The following GALNT2 variants were observed in gnomAD, a reference collection of about 807,000 sequenced individuals.
The protein encoded by GALNT2 is UDP-GalNAc:polypeptide N-acetylgalactosaminyltransferase 2.
A neutral mutation model predicts 81.4 loss-of-function variants in GALNT2; 31 were observed. That is an observed-to-expected ratio of 0.38 (90% confidence interval 0.29 to 0.51). The LOEUF (loss-of-function observed/expected upper bound fraction) is 0.51. GALNT2 is among the 20% of genes least tolerant of loss of function. The pLI is 0.87. For synonymous variants in GALNT2, 303 were observed against 287.4 expected, an observed-to-expected ratio of 1.05 and a Z score of -0.55; for missense variants, 629 against 765.7, an observed-to-expected ratio of 0.82 and a Z score of 2.11.
At chr1:230,258,967 A>G (rs1480880637) in intron 11 of GALNT2, 7 of 152,230 alleles carry the variant, frequency 4.6e-5, no homozygotes, top group Admixed American at 3.9e-4. Flanking sequence ...AGGAGCCTGT[A>G]TTCTCAAGAT....
chr1:230,261,215 C>A (rs1665868615), intron 11 of GALNT2, among the ~76,000 whole-genome samples: 1 of 151,692 alleles, frequency 6.6e-6, no homozygotes. Context: ...AGAATAGGTG[C>A]ATTCATATGT....
At chr1:230,252,932 C>T (rs1165227066) in intron 10 of GALNT2, among the ~76,000 whole-genome samples, 4 of 142,926 alleles carry the variant, frequency 2.8e-5, no homozygotes, top group Non-Finnish European at 4.5e-5. Flanking sequence ...CCGCAACGTT[C>T]GCCTCCCGGG....
intron 1 of GALNT2, among the ~76,000 whole-genome samples, chr1:230,081,796 C>T (rs906677760): frequency 1.3e-5 from 2 of 152,178 alleles, no homozygotes; most frequent in East Asian, 3.9e-4. Flanking sequence ...GTCATGCTAA[C>T]CATGACGAGG....
At chr1:230,168,536 G>A (rs956343656) in intron 1 of GALNT2, among the ~76,000 whole-genome samples, 2 of 152,192 alleles carry the variant, frequency 1.3e-5, no homozygotes, top group African/African-American at 4.8e-5. Flanking sequence ...TTTCTTGAAC[G>A]AAGAGGGAGG....
intron 1 of GALNT2, among the ~76,000 whole-genome samples, chr1:230,127,596 G>A (rs546393154): frequency 6.6e-6 from 1 of 151,926 alleles, no homozygotes; most frequent in Non-Finnish European, 1.5e-5. Flanking sequence ...GGATGGTTTC[G>A]ATCTCTTGAC....
chr1:230,268,422 A>G (rs918064243), intron 14 of GALNT2: 2 of 152,154 alleles, frequency 1.3e-5, no homozygotes, highest in Non-Finnish European at 2.9e-5. Flanking sequence ...TGGAGTTCCC[A>G]CTGTCACTCT....
intron 3 of GALNT2, among the ~76,000 whole-genome samples, chr1:230,234,109 G>A (rs1664951079): frequency 6.6e-6 from 1 of 152,134 alleles, no homozygotes; most frequent in African/African-American, 2.4e-5. Context: ...TCCAAGAGTG[G>A]GGTCTTGGTG....
chr1:230,107,399 C>G (rs1368062498), intron 1 of GALNT2, among the ~76,000 whole-genome samples: 1 of 152,084 alleles, frequency 6.6e-6, no homozygotes, highest in Non-Finnish European at 1.5e-5. Context: ...AGAGCAAGAT[C>G]CTGTCTCTAC....
Position 230,071,781 on chromosome 1 carries a change from C to T in GALNT2, c.126+4375C>T, listed in dbSNP as rs75820753. ...AAAACCACTGTATAGCCAGATAATC[C>T]GACAGTGGCACTGTAACATAAACTT... On this transcript the variant is annotated intron_variant, in intron 1 of 15. Coordinates refer to ENST00000366672, the MANE Select transcript of GALNT2 (RefSeq NM_004481.5). 3.1e-3 allele frequency among the ~76,000 whole-genome samples: 475 copies of T among 152,180 alleles called. 2 individuals carry two copies. The highest frequency in any genetic ancestry group is 5.0e-3 in the Non-Finnish European group (343 of 68,018).
In GALNT2 at chr1:230,206,694, C is replaced by T. The variant is rs1664068145; in HGVS notation, c.374+3404C>T. 2.0e-5 allele frequency among the ~76,000 whole-genome samples: 3 copies of T among 152,288 alleles called. No homozygotes were observed. In the South Asian group the frequency reaches 6.2e-4, roughly 32 times the overall value. On this transcript the variant is annotated intron_variant, in intron 3 of 15. Coordinates refer to ENST00000366672, the MANE Select transcript of GALNT2 (RefSeq NM_004481.5). ...GTGTTGATCAATAGAAATTCTTGCACAGTAGAATTCAGTCTTTAGTTTTGA... is the reference window on the plus strand; with the variant it reads ...GTGTTGATCAATAGAAATTCTTGCATAGTAGAATTCAGTCTTTAGTTTTGA...
At chr1:230,270,314 T>A (rs1666134467) in intron 14 of GALNT2, among the ~76,000 whole-genome samples, 1 of 152,224 alleles carries the variant, frequency 6.6e-6, no homozygotes, top group Non-Finnish European at 1.5e-5. Context: ...GATGACATGA[T>A]GTATGTTACA....
chr1:230,133,676 A>G (rs561862557), intron 1 of GALNT2, among the ~76,000 whole-genome samples: 1 of 152,248 alleles, frequency 6.6e-6, no homozygotes, highest in South Asian at 2.1e-4. Flanking sequence ...GCTGGTCTCG[A>G]ACTCCTGACC....
intron 2 of GALNT2, among the ~76,000 whole-genome samples, chr1:230,179,277 T>C (rs1427525232): frequency 6.6e-6 from 1 of 152,142 alleles, no homozygotes; most frequent in Non-Finnish European, 1.5e-5. Flanking sequence ...GTACCAGTTT[T>C]CGTGTAGACA....
chr1:230,100,835 A>G (rs1231045050), intron 1 of GALNT2, among the ~76,000 whole-genome samples: 5 of 149,998 alleles, frequency 3.3e-5, no homozygotes, highest in Non-Finnish European at 7.4e-5. Flanking sequence ...ACATATAAAC[A>G]AAAGTACACA....
At chr1:230,267,644 C>T (rs1666070363) in intron 14 of GALNT2, among the ~76,000 whole-genome samples, 1 of 152,326 alleles carries the variant, frequency 6.6e-6, no homozygotes, top group South Asian at 2.1e-4. Flanking sequence ...GGGTACTCGT[C>T]ACAGGCCCCA....
intron 1 of GALNT2, among the ~76,000 whole-genome samples, chr1:230,095,109 G>A (rs547959216): frequency 3.3e-5 from 5 of 152,196 alleles, no homozygotes; most frequent in African/African-American, 1.2e-4. Context: ...TTAAGACAGA[G>A]TAGCTGCAAT....
At chr1:230,274,079 G>T (rs185454325) in intron 14 of GALNT2, among the ~76,000 whole-genome samples, 1 of 152,362 alleles carries the variant, frequency 6.6e-6, no homozygotes, top group East Asian at 1.9e-4. Context: ...TCTACCTGGT[G>T]TATAACCAAG....
chr1:230,251,643 T>G (rs1344964906), intron 10 of GALNT2, among the ~76,000 whole-genome samples: 1 of 152,166 alleles, frequency 6.6e-6, no homozygotes, highest in African/African-American at 2.4e-5. Flanking sequence ...ACAAAAGGCT[T>G]CAGAATTGTT....
intron 1 of GALNT2, among the ~76,000 whole-genome samples, chr1:230,082,396 A>C (rs937841406): frequency 1.3e-5 from 2 of 152,252 alleles, no homozygotes; most frequent in African/African-American, 2.4e-5. Flanking sequence ...TGGTGATTTC[A>C]TAGGTGTCTG....
Sources: gnomAD v4.1 joint callset for allele counts (sites outside exome capture counted in the v4.1 genomes callset) on GRCh38, gnomAD v4.1.1 for gene constraint, MANE v1.5 for transcripts, NCBI Gene and HGNC (gene_info 2026-07-23, HGNC 2026-07-21) for gene names.